The following CSGALNACT1 variants were observed in gnomAD, a reference collection of about 807,000 sequenced individuals.
The protein encoded by CSGALNACT1 is chondroitin sulfate N-acetylgalactosaminyltransferase 1.
A neutral mutation model predicts 51.0 loss-of-function variants in CSGALNACT1; 52 were observed. The observed-to-expected ratio is 1.02, with a 90% CI of 0.82 to 1.29. The LOEUF (loss-of-function observed/expected upper bound fraction) is 1.29, where lower values mean the gene tolerates loss of function less well. Among genes scored for constraint, CSGALNACT1 ranks in the 50% most tolerant of loss-of-function variants. The probability of loss-of-function intolerance (pLI) is 0.00; values close to 1 mark genes in which losing one functional copy is unlikely to be tolerated. For missense variants in CSGALNACT1, 935 were observed against 679.2 expected (o/e 1.38, Z -4.19); for synonymous variants, 341 against 254.4 (o/e 1.34, Z -3.24).
At chr8:19,613,131 A>G (rs1295657185) in intron 1 of CSGALNACT1, among the ~76,000 whole-genome samples, 7 of 152,138 alleles carry the variant, frequency 4.6e-5, no homozygotes, top group African/African-American at 1.4e-4. Flanking sequence ...TTGGTGAGAC[A>G]AAACTCTTAA....
intron 1 of CSGALNACT1, among the ~76,000 whole-genome samples, chr8:19,722,877 G>A (rs929778052): frequency 6.6e-5 from 10 of 152,210 alleles, no homozygotes; most frequent in East Asian, 1.9e-4. Context: ...ATATCAGAAC[G>A]TTGTTGGGAA....
At chr8:19,448,086 C>T (rs771769617) in intron 5 of CSGALNACT1, among the ~76,000 whole-genome samples, 10 of 152,158 alleles carry the variant, frequency 6.6e-5, no homozygotes, top group Non-Finnish European at 1.5e-4. Flanking sequence ...TTGAACTTAA[C>T]ATCTGCACAT....
intron 3 of CSGALNACT1, among the ~76,000 whole-genome samples, chr8:19,514,534 A>ATATATT (rs2079140167): frequency 8.1e-6 from 1 of 123,744 alleles, no homozygotes; most frequent in African/African-American, 3.4e-5. Flanking sequence ...TAAAAATTAT[A>ATATATT]TACAGGCCAG....
intron 1 of CSGALNACT1, among the ~76,000 whole-genome samples, chr8:19,651,494 T>C: frequency 6.6e-6 from 1 of 152,208 alleles, no homozygotes; most frequent in East Asian, 1.9e-4. Flanking sequence ...TAGCTCCCAC[T>C]TGTAAGCGAG....
chr8:19,538,244 T>C (rs192058853), intron 3 of CSGALNACT1, among the ~76,000 whole-genome samples: 17 of 152,262 alleles, frequency 1.1e-4, no homozygotes, highest in African/African-American at 1.4e-4. Context: ...GGCAGGAAGA[T>C]TGCTTGAGCC....
At chr8:19,490,674 G>A (rs1480764016) in intron 4 of CSGALNACT1, among the ~76,000 whole-genome samples, 2 of 152,156 alleles carry the variant, frequency 1.3e-5, no homozygotes, top group South Asian at 2.1e-4. Context: ...CACAATGCAG[G>A]AGAAGTGGAG....
At chr8:19,547,226 G>C (rs1336281760) in intron 3 of CSGALNACT1, among the ~76,000 whole-genome samples, 1 of 152,182 alleles carries the variant, frequency 6.6e-6, no homozygotes, top group Admixed American at 6.6e-5. Context: ...TATTTTTGAG[G>C]TGTAATATAA....
intron 2 of CSGALNACT1, among the ~76,000 whole-genome samples, chr8:19,596,503 G>C (rs146752509): frequency 2.0e-5 from 3 of 151,128 alleles, no homozygotes; most frequent in Non-Finnish European, 4.4e-5. Context: ...TAAGCAAAAA[G>C]ATCCTATTAT....
intron 4 of CSGALNACT1, among the ~76,000 whole-genome samples, chr8:19,470,985 A>G (rs766256107): frequency 6.6e-6 from 1 of 152,110 alleles, no homozygotes; most frequent in Non-Finnish European, 1.5e-5. Flanking sequence ...CATCCCAGCT[A>G]CTTGGGAGGC....
At chr8:19,460,590 T>A (rs988806807) in intron 4 of CSGALNACT1, among the ~76,000 whole-genome samples, 2 of 152,110 alleles carry the variant, frequency 1.3e-5, no homozygotes, top group African/African-American at 4.8e-5. Context: ...GCTACAGAAA[T>A]CAATCTCCAG....
chr8:19,658,612 T>C (rs534334896), intron 1 of CSGALNACT1, among the ~76,000 whole-genome samples: 2 of 152,206 alleles, frequency 1.3e-5, no homozygotes, highest in East Asian at 3.9e-4. Flanking sequence ...TGCACACCTG[T>C]AGTCCCAGCT....
chr8:19,452,804 C>T (rs2063429438), intron 5 of CSGALNACT1, among the ~76,000 whole-genome samples: 1 of 151,954 alleles, frequency 6.6e-6, no homozygotes, highest in East Asian at 1.9e-4. Context: ...GCGAGCCGGG[C>T]AAAACTCACA....
chr8:19,642,409 A>T (rs1268658049), intron 1 of CSGALNACT1, among the ~76,000 whole-genome samples: 1 of 152,198 alleles, frequency 6.6e-6, no homozygotes, highest in Admixed American at 6.5e-5. Flanking sequence ...CAGATCAACA[A>T]AACTAAATAG....
chr8:19,718,992 C>A (rs780876460), intron 1 of CSGALNACT1, among the ~76,000 whole-genome samples: 2 of 152,182 alleles, frequency 1.3e-5, no homozygotes, highest in Non-Finnish European at 2.9e-5. Flanking sequence ...AAGTAACCAT[C>A]TATCTCTGTC....
At chr8:19,550,738 G>C (rs779937509) in intron 3 of CSGALNACT1, among the ~76,000 whole-genome samples, 4 of 152,064 alleles carry the variant, frequency 2.6e-5, no homozygotes, top group African/African-American at 9.7e-5. Context: ...TCTTCAACTG[G>C]TCTTTCTCAG....
intron 4 of CSGALNACT1, among the ~76,000 whole-genome samples, chr8:19,476,399 C>A (rs1481814370): frequency 6.6e-6 from 1 of 152,112 alleles, no homozygotes; most frequent in South Asian, 2.1e-4. Flanking sequence ...CACCACCACG[C>A]CTGGCTAATA....
chr8:19,428,825 A>ATGTGTGTGTGTGTGTGTATG (rs2059194469), intron 6 of CSGALNACT1, among the ~76,000 whole-genome samples: 1 of 143,340 alleles, frequency 7.0e-6, no homozygotes, highest in African/African-American at 2.7e-5. Flanking sequence ...AAGACATGAT[A>ATGTGTGTGTGTGTGTGTATG]TGTGTGTGTG....
chr8:19,574,758 G>A (rs1453424166), intron 3 of CSGALNACT1, among the ~76,000 whole-genome samples: 1 of 152,074 alleles, frequency 6.6e-6, no homozygotes, highest in African/African-American at 2.4e-5. Context: ...CCGGCCAGAT[G>A]TGGTGGCTCA....
At chr8:19,432,484 A>C (rs537044464) in intron 6 of CSGALNACT1, among the ~76,000 whole-genome samples, 14 of 152,154 alleles carry the variant, frequency 9.2e-5, no homozygotes, top group African/African-American at 3.4e-4. Flanking sequence ...AAATTTGAGA[A>C]ATTTTTAGCC....
Sources: allele counts gnomAD v4.1 joint callset (sites outside exome capture counted in the v4.1 genomes callset), GRCh38; gene constraint gnomAD v4.1.1; transcripts MANE v1.5; gene names NCBI Gene and HGNC (gene_info 2026-07-23, HGNC 2026-07-21).